ADGRV1: variants seen among roughly 807,000 people sequenced by gnomAD.
The protein encoded by ADGRV1 is G-protein coupled receptor 98.
A neutral mutation model predicts 596.2 loss-of-function variants in ADGRV1; 359 were observed. The observed-to-expected ratio is 0.60, with a 90% CI of 0.55 to 0.66. The LOEUF (loss-of-function observed/expected upper bound fraction) is 0.66. ADGRV1 is among the 30% of genes least tolerant of loss of function. ADGRV1 has a pLI of 0.00. For missense variants in ADGRV1, 7,274 were observed against 7,575.6 expected (o/e 0.96, Z 1.48); for synonymous variants, 2,681 against 2,679.2 (o/e 1.00, Z -0.02).
In ADGRV1 at chr5:90,781,524, AATG is replaced by A. The variant is rs887392905; in HGVS notation, c.13180_13182del (p.Asp4394del). On this transcript the variant is annotated inframe_deletion, in exon 65 of 90. Transcript: ENST00000405460. ...CATTGTTCGCATCATAATAATGAAAAATGATAACGCAGAAGGCATCATTGAATT... is the reference window on the plus strand; with the variant it reads ...CATTGTTCGCATCATAATAATGAAAAATAACGCAGAAGGCATCATTGAATT... 2 of 1,611,710 alleles carry A rather than the reference AATG, an allele frequency of 1.2e-6. No homozygotes were observed. The highest frequency in any genetic ancestry group is 2.7e-5 in the African/African-American group (2 of 74,870).
chr5:90,993,472 A>G (rs1019778999), intron 85 of ADGRV1, among the ~76,000 whole-genome samples: 7 of 152,066 alleles, frequency 4.6e-5, no homozygotes, highest in African/African-American at 1.7e-4. Flanking sequence ...TCACTTTTGA[A>G]GAGTACTGGT....
At chr5:91,102,045 C>T (rs1225084858) in intron 86 of ADGRV1, among the ~76,000 whole-genome samples, 174 bp from the exon 87 acceptor site, 2 of 152,168 alleles carry the variant, frequency 1.3e-5, no homozygotes, top group African/African-American at 4.8e-5. Flanking sequence ...ATTTGCAAAA[C>T]AGAATGTGGA....
intron 82 of ADGRV1, among the ~76,000 whole-genome samples, chr5:90,856,113 A>G (rs1766999287): frequency 6.6e-6 from 1 of 152,190 alleles, no homozygotes; most frequent in African/African-American, 2.4e-5. Context: ...AAAGAATGAG[A>G]CAGTTTCACC....
At chr5:91,005,745 C>G (rs566707900) in intron 85 of ADGRV1, among the ~76,000 whole-genome samples, 1 of 152,260 alleles carries the variant, frequency 6.6e-6, no homozygotes, top group African/African-American at 2.4e-5. Context: ...AAAACCTGTT[C>G]TCTCCTGTCC....
At chr5:90,599,146 A>G (rs1407409641) in intron 1 of ADGRV1, among the ~76,000 whole-genome samples, 3 of 152,232 alleles carry the variant, frequency 2.0e-5, no homozygotes, top group Admixed American at 6.5e-5. Context: ...GCATTGAGAA[A>G]AACACAGGTG....
In ADGRV1 at chr5:90,797,140, A is replaced by G. The variant is rs370184454; in HGVS notation, c.14518-5599A>G. 3.9e-5 allele frequency among the ~76,000 whole-genome samples: 6 copies of G among 152,290 alleles called. No individual in the cohort carries two copies. The East Asian group carries it at 7.7e-4, about 20-fold the overall frequency. On this transcript the variant is annotated intron_variant, in intron 70 of 89. Transcript: ENST00000405460. ...ATAACAATATTAACATTAAATGTAA[A>G]TGGGCTAAATGTCCCAATTAAAAGA...
rs368395113 is a variant in ADGRV1 at position 90,774,176 on chromosome 5, T to C, written c.12286-10T>C. ...TCTGGAAAATGCACTGTTTCTGTCA[T>C]TGGATGTAGACTGAGTCCCAGAAGA... is the stretch of plus-strand genomic sequence containing the variant. On this transcript the variant is annotated splice_polypyrimidine_tract_variant and intron_variant, in intron 59 of 89. Coordinates refer to ENST00000405460, the MANE Select transcript of ADGRV1 (RefSeq NM_032119.4). 35 of 1,505,652 alleles carry C rather than the reference T, an allele frequency of 2.3e-5. No homozygotes were observed. The African/African-American group carries it at 3.0e-4, about 13-fold the overall frequency. 93.3% of individuals were successfully genotyped at this position (1,505,652 alleles called of 1,614,324 possible). A position where few individuals can be genotyped will look rare whatever the true frequency, so the allele number is the denominator to read the frequency against.
At chr5:90,849,657 T>C (rs1766285097) in intron 79 of ADGRV1, among the ~76,000 whole-genome samples, 1 of 152,212 alleles carries the variant, frequency 6.6e-6, no homozygotes, top group Non-Finnish European at 1.5e-5. Flanking sequence ...CCCAAAATGC[T>C]GGGATTACAA....
intron 1 of ADGRV1, among the ~76,000 whole-genome samples, chr5:90,595,263 T>C (rs1760188411): frequency 2.3e-5 from 1 of 43,378 alleles, no homozygotes. Context: ...GCAGAGGGGC[T>C]CCTCACTTCC....
intron 1 of ADGRV1, among the ~76,000 whole-genome samples, chr5:90,578,461 C>A (rs890491689): frequency 1.3e-5 from 2 of 152,144 alleles, no homozygotes; most frequent in Non-Finnish European, 2.9e-5. Context: ...AGGGATGAAG[C>A]CGACTTGATT....
At chr5:90,954,230 G>A (rs1777287271) in intron 83 of ADGRV1, among the ~76,000 whole-genome samples, 1 of 151,118 alleles carries the variant, frequency 6.6e-6, no homozygotes, top group African/African-American at 2.4e-5. Flanking sequence ...GGTGAGAGTG[G>A]GGGATGAAAT....
At chr5:90,674,274 G>C (rs1772918710) in intron 23 of ADGRV1, 40 bp downstream of exon 23, 1 of 1,478,004 alleles carries the variant, frequency 6.8e-7, no homozygotes, top group African/African-American at 1.4e-5. Context: ...TCTCTTCTCT[G>C]GGTGTACTTA....
chr5:91,020,549 T>G (rs1003153156), intron 85 of ADGRV1, among the ~76,000 whole-genome samples: 3 of 151,876 alleles, frequency 2.0e-5, no homozygotes, highest in African/African-American at 7.3e-5. Context: ...CAGAGTCAGG[T>G]CTTTGACTCT....
chr5:90,622,550 C>G, intron 4 of ADGRV1, 47 bp from the exon 5 acceptor site: 1 of 853,626 alleles, frequency 1.2e-6, no homozygotes. Flanking sequence ...CGCCTCATAC[C>G]TCTGATTGCT....
chr5:90,797,709 T>C (rs1001617750), intron 70 of ADGRV1, among the ~76,000 whole-genome samples: 1 of 152,108 alleles, frequency 6.6e-6, no homozygotes, highest in Non-Finnish European at 1.5e-5. Context: ...TATTCTAAAA[T>C]TGACCACATA....
chr5:90,910,245 T>C (rs533405573), intron 83 of ADGRV1, among the ~76,000 whole-genome samples: 62 of 152,368 alleles, frequency 4.1e-4, no homozygotes, highest in African/African-American at 1.4e-3. Context: ...GTGCTCCTAA[T>C]ACTAGCTTTA....
intron 4 of ADGRV1, among the ~76,000 whole-genome samples, chr5:90,621,648 A>G (rs1320032224): frequency 6.6e-6 from 1 of 152,078 alleles, no homozygotes; most frequent in Non-Finnish European, 1.5e-5. Context: ...AGCCTATGGG[A>G]ATGAATCCTA....
At chr5:90,589,418 GC>G (rs1210130549) in intron 1 of ADGRV1, among the ~76,000 whole-genome samples, 1 of 152,178 alleles carries the variant, frequency 6.6e-6, no homozygotes, top group Non-Finnish European at 1.5e-5. Context: ...TGAAATACAT[GC>G]ATGTGGAGGG....
intron 21 of ADGRV1, among the ~76,000 whole-genome samples, chr5:90,659,804 G>A (rs1769979159): frequency 6.6e-6 from 1 of 152,162 alleles, no homozygotes; most frequent in South Asian, 2.1e-4. Context: ...ATGCTGAGGC[G>A]GGCGGATCAT....
Sources: allele counts gnomAD v4.1 joint callset (sites outside exome capture counted in the v4.1 genomes callset), GRCh38; gene constraint gnomAD v4.1.1; transcripts MANE v1.5; gene names NCBI Gene and HGNC (gene_info 2026-07-23, HGNC 2026-07-21).